The following KEAP1 variants were observed in gnomAD, a reference collection of about 807,000 sequenced individuals.
KEAP1 encodes the protein kelch like ECH associated protein 1, also known as kelch-like ECH-associated protein 1.
KEAP1 carries 26 observed loss-of-function variants against 59.7 expected under a neutral mutation model. The ratio of observed to expected loss-of-function variants is 0.44; its 90% confidence interval spans 0.32 to 0.60. The LOEUF (loss-of-function observed/expected upper bound fraction) is 0.60. Ranked by LOEUF, KEAP1 falls within the 20% of genes least tolerant of loss-of-function variation. KEAP1 has a pLI of 0.06. For synonymous variants in KEAP1, 350 were observed against 358.3 expected (o/e 0.98, Z 0.26); for missense variants, 539 against 871.4 (o/e 0.62, Z 4.80).
chr19:10,491,506 C>G lies in KEAP1; in HGVS notation c.1325+71G>C. 1 of 1,322,566 alleles carries G rather than the reference C, an allele frequency of 7.6e-7. No individual in the cohort carries two copies. Among genetic ancestry groups the G allele is most frequent in the Non-Finnish European group, 1.0e-6 (1 of 991,358 alleles). The allele number at this position is 1,322,566 out of a possible 1,614,324, so 81.9% of individuals were successfully genotyped here. ...GAGGAAACAGCCTCAGGAAGAATAC[C>G]CGGATCTCAGTGTCTTGGGACTTGC... On this transcript the variant is annotated intron_variant, in intron 3 of 5. Coordinates refer to ENST00000171111, the MANE Select transcript of KEAP1 (RefSeq NM_203500.2). This position sits in a 1 kb window ranked among gnomAD's most constrained non-coding sequence, Gnocchi z 5.2.
chr19:10,489,912 C>T (rs2144591914), intron 3 of KEAP1, 59 bp from the exon 4 acceptor site: 3 of 1,477,058 alleles, frequency 2.0e-6, no homozygotes, highest in South Asian at 1.2e-5. Context: ...TCGTGGAATA[C>T]TTAAGGGCCA....
rs1408191068 is a variant in KEAP1 at position 10,499,071 on chromosome 19, G to A, written c.639+324C>T. Among the ~76,000 whole-genome samples the A allele has an allele frequency of 1.3e-5, 2 of 152,118 alleles. No individual in the cohort carries two copies. The highest frequency in any genetic ancestry group is 2.9e-5 in the Non-Finnish European group (2 of 68,050). ...GCTGGTCTTGAACTCCTTACCTCAG[G>A]TGATCCACCTGCCTCGGCCTCCCAA... On this transcript the variant is annotated intron_variant, in intron 2 of 5. Coordinates refer to ENST00000171111, the MANE Select transcript of KEAP1 (RefSeq NM_203500.2). This position sits in a 1 kb window ranked among gnomAD's most constrained non-coding sequence, Gnocchi z 6.7.
chr19:10,489,252 T>C lies in KEAP1; in HGVS notation c.1648A>G (p.Met550Val), dbSNP rs752854170. 4 of 1,613,000 alleles carry C rather than the reference T, an allele frequency of 2.5e-6. No individual in the cohort carries two copies. Among genetic ancestry groups the C allele is most frequent in the Non-Finnish European group, 3.4e-6 (4 of 1,179,980 alleles). The change falls in exon 5 of 6, where the codon ATG becomes GTG. Residue 550 changes from methionine to valine, a missense_variant. Coordinates refer to ENST00000171111, the MANE Select transcript of KEAP1 (RefSeq NM_203500.2). ...CCCAGGGCACTTCGCCGGTGCTTCA[T>C]GGGGGCTACGAAAGTCCACGTCTCT... ...ETETWTFVAPMKHRRSALGIT... is the reference protein window; with the variant it reads ...ETETWTFVAPVKHRRSALGIT...
chr19:10,489,427 ATCACC>A, intron 4 of KEAP1, 59 bp from the exon 5 acceptor site: 2 of 1,537,054 alleles, frequency 1.3e-6, no homozygotes, highest in Admixed American at 3.7e-5. Flanking sequence ...AACCCCAGCC[ATCACC>A]TCCTTGAGGG....
At chr19:10,494,780 G>C (rs577777790) in intron 2 of KEAP1, among the ~76,000 whole-genome samples, 2 of 147,482 alleles carry the variant, frequency 1.4e-5, no homozygotes, top group Non-Finnish European at 1.5e-5. Flanking sequence ...CTCAGCCTCC[G>C]AGTAGCTGGG....
Position 10,502,855 on chromosome 19 carries a change from G to A in KEAP1, c.-48+386C>T, listed in dbSNP as rs1915092537. Reference sequence around the variant, plus strand: ...AAAAGTCCCCGGGCCCTGGCCTCAGGCGGTAGGGACCGCTGAGGGGCCGCT... The same window carrying A: ...AAAAGTCCCCGGGCCCTGGCCTCAGACGGTAGGGACCGCTGAGGGGCCGCT... On this transcript the variant is annotated intron_variant, in intron 1 of 5. Coordinates refer to ENST00000171111, the MANE Select transcript of KEAP1 (RefSeq NM_203500.2). The surrounding 1 kb of genome is among the most constrained non-coding windows in gnomAD (Gnocchi z 4.0). 6.6e-6 allele frequency: 1 copy of A among 152,134 alleles called. No homozygotes were observed. Among genetic ancestry groups the A allele is most frequent in the Non-Finnish European group, 1.5e-5 (1 of 68,026 alleles). 9.4% of individuals were successfully genotyped at this position (152,134 alleles called of 1,614,324 possible).
chr19:10,491,642 G>A lies in KEAP1; in HGVS notation c.1260C>T (p.Val420=). The A allele has an allele frequency of 6.3e-7, 1 of 1,594,382 alleles. No individual in the cohort carries two copies. The highest frequency in any genetic ancestry group is 8.5e-7 in the Non-Finnish European group (1 of 1,171,064). The change falls in exon 3 of 6, where the codon GTC becomes GTT. Residue 420 remains valine (V), a synonymous_variant. Transcript: ENST00000171111. The surrounding 1 kb of genome is among the most constrained non-coding windows in gnomAD (Gnocchi z 5.2). ...SVPRNRIGVG[V]IDGHIYAVGG... is the part of the protein sequence containing the mutation. ...CGACGGCATAGATGTGGCCATCGAT[G>A]ACCCCCACCCCGATGCGGTTACGGG...
At chr19:10,492,471 C>T in intron 2 of KEAP1, 1 of 560,528 alleles carries the variant, frequency 1.8e-6, no homozygotes, top group Non-Finnish European at 3.2e-6. Context: ...GTAATGCCAG[C>T]ACTTTGGGAG....
rs1205156450 is a variant in KEAP1 at position 10,502,110 on chromosome 19, C to T, written c.-48+1131G>A. Among the ~76,000 whole-genome samples the T allele has an allele frequency of 6.6e-6, 1 of 152,178 alleles. No homozygotes were observed. The highest frequency in any genetic ancestry group is 1.5e-5 in the Non-Finnish European group (1 of 68,042). On this transcript the variant is annotated intron_variant, in intron 1 of 5. Transcript: ENST00000171111. The surrounding 1 kb of genome is among the most constrained non-coding windows in gnomAD (Gnocchi z 4.0). ...GCCAACCCTCTCCTGTGCCTCTCGC[C>T]TGGGGCCTGGCACTGCGCAGGGGTC...
intron 2 of KEAP1, among the ~76,000 whole-genome samples, chr19:10,497,445 C>T (rs781604395): frequency 2.0e-5 from 3 of 152,296 alleles, no homozygotes; most frequent in Admixed American, 6.5e-5. Context: ...ATGGGACTCC[C>T]GAAGGCTTAG....
At chr19:10,495,786 T>A (rs1312959814) in intron 2 of KEAP1, among the ~76,000 whole-genome samples, 1 of 152,002 alleles carries the variant, frequency 6.6e-6, no homozygotes, top group East Asian at 1.9e-4. Context: ...CTTGGGCAAA[T>A]CTCTGAAATG....
chr19:10,489,491 G>A (rs1162048576), intron 4 of KEAP1, 123 bp from the exon 5 acceptor site: 10 of 1,260,708 alleles, frequency 7.9e-6, no homozygotes, highest in Non-Finnish European at 1.0e-5. Flanking sequence ...ATGAAGCGGG[G>A]AGAGAGAGAA....
At chr19:10,488,754 A>C (rs1382918007) in intron 5 of KEAP1, among the ~76,000 whole-genome samples, 1 of 152,040 alleles carries the variant, frequency 6.6e-6, no homozygotes, top group Non-Finnish European at 1.5e-5. Context: ...AACATGGTGA[A>C]ACCCTGTCTC....
At chr19:10,489,448 T>C (rs1347842929) in intron 4 of KEAP1, 80 bp from the exon 5 acceptor site, 1 of 1,414,182 alleles carries the variant, frequency 7.1e-7, no homozygotes, top group African/African-American at 1.4e-5. Context: ...GAGGGAGACC[T>C]TTCCTCTCTC....
At position 10,486,586 on chromosome 19, in the gene KEAP1, G is replaced by C. The variant is rs930963652; in HGVS notation, c.*66C>G. 4 of 1,480,840 alleles carry C rather than the reference G, an allele frequency of 2.7e-6. No homozygotes were observed. Among genetic ancestry groups the C allele is most frequent in the Non-Finnish European group, 3.7e-6 (4 of 1,079,378 alleles). The allele number at this position is 1,480,840 out of a possible 1,614,324, so 91.7% of individuals were successfully genotyped here. On this transcript the variant is annotated 3_prime_UTR_variant, in exon 6 of 6. Transcript: ENST00000171111. Reference sequence around the variant, plus strand: ...CAGTGCTGTCTTTTCTTTTAGTCCCGGTTTTTGTACAAAAACAATGATACT... The same window carrying C: ...CAGTGCTGTCTTTTCTTTTAGTCCCCGTTTTTGTACAAAAACAATGATACT...
intron 5 of KEAP1, among the ~76,000 whole-genome samples, 167 bp downstream of exon 5, chr19:10,489,025 G>A (rs1405467428): frequency 6.9e-6 from 1 of 144,628 alleles, no homozygotes; most frequent in African/African-American, 2.5e-5. Flanking sequence ...AGCCCAGGCT[G>A]TTGAGGCTCC....
At chr19:10,487,384 C>T (rs61223991) in intron 5 of KEAP1, among the ~76,000 whole-genome samples, 14,694 of 151,028 alleles carry the variant, frequency 0.097, 820 homozygotes, top group South Asian at 0.21. Flanking sequence ...AGGCCACTCG[C>T]GGTGGCTCAT....
rs1914477603 is a variant in KEAP1, at chr19:10,486,817, T to C, written c.1710A>G (p.Gly570=). The C allele has an allele frequency of 6.2e-7, 1 of 1,611,718 alleles. No homozygotes were observed. ...CCAGGAACGTGTGACCATCATAGCCTCCTGCGGGAAGAACAGAAGGGATGG... is the reference window on the plus strand; with the variant it reads ...CCAGGAACGTGTGACCATCATAGCCCCCTGCGGGAAGAACAGAAGGGATGG... ...TVHQGRIYVL[G]GYDGHTFLDS... The change falls in exon 6 of 6, where the codon GGA becomes GGG. Residue 570 remains glycine, a splice_region_variant and synonymous_variant. Transcript: ENST00000171111.
chr19:10,499,207 A>G lies in KEAP1; in HGVS notation c.639+188T>C, dbSNP rs528206707. Among the ~76,000 whole-genome samples the G allele has an allele frequency of 1.9e-4, 28 of 151,174 alleles. No individual in the cohort carries two copies. Among genetic ancestry groups the G allele is most frequent in the Admixed American group, 1.3e-3 (19 of 15,154 alleles). Reference sequence around the variant, plus strand: ...ATTATGTTGCCTGGGCTGGTCTTGAACTCTTGGCCTGAAGCAATCCCCCCG... The same window carrying G: ...ATTATGTTGCCTGGGCTGGTCTTGAGCTCTTGGCCTGAAGCAATCCCCCCG... On this transcript the variant is annotated intron_variant, in intron 2 of 5. Coordinates refer to ENST00000171111, the MANE Select transcript of KEAP1 (RefSeq NM_203500.2). This position sits in a 1 kb window ranked among gnomAD's most constrained non-coding sequence, Gnocchi z 6.7.
Sources: gnomAD v4.1 joint callset for allele counts (sites outside exome capture counted in the v4.1 genomes callset) on GRCh38, gnomAD v4.1.1 for gene constraint, Gnocchi (gnomAD v3.1) non-coding constraint, MANE v1.5 for transcripts, NCBI Gene and HGNC (gene_info 2026-07-23, HGNC 2026-07-21) for gene names.